Variants in KNDC1 observed in about 807,000 individuals in gnomAD.
KNDC1 encodes kinase non-catalytic C-lobe domain-containing protein 1.
A neutral mutation model predicts 172.8 loss-of-function variants in KNDC1; 106 were observed. The observed-to-expected ratio is 0.61, with a 90% confidence interval of 0.52 to 0.72. The LOEUF is 0.72. Ranked by LOEUF, KNDC1 falls within the 30% of genes least tolerant of loss-of-function variation. The pLI is 0.00. For missense variants in KNDC1, 2,325 were observed against 2,394.5 expected (o/e 0.97, Z 0.61); for synonymous variants, 1,083 against 1,062.2 (o/e 1.02, Z -0.38).
intron 3 of KNDC1, among the ~76,000 whole-genome samples, chr10:133,182,501 C>T (rs1316347306): frequency 2.6e-5 from 4 of 152,196 alleles, no homozygotes; most frequent in Admixed American, 2.6e-4. Flanking sequence ...CAGGCAGGTT[C>T]CTGAGCCGCT....
At position 133,200,364 on chromosome 10, in the gene KNDC1, C is replaced by G; in HGVS notation, c.2904-11C>G. 1 of 1,576,410 alleles carries G rather than the reference C, an allele frequency of 6.3e-7. No homozygotes were observed. On this transcript the variant is annotated splice_polypyrimidine_tract_variant and intron_variant, in intron 15 of 29. Coordinates refer to ENST00000304613, the MANE Select transcript of KNDC1 (RefSeq NM_152643.8). ...GCGGAGGTGGGGACTGACCTGCATT[C>G]TCGTCGTCAGCACGGCCGAGGAGGC...
rs202227345 is a variant in KNDC1 at position 133,185,981 on chromosome 10, C to T, written c.633C>T (p.Ser211=). 2.1e-5 allele frequency: 29 copies of T among 1,398,946 alleles called. No homozygotes were observed. Among genetic ancestry groups the T allele is most frequent in the East Asian group, 2.0e-4 (6 of 30,154 alleles). 86.7% of individuals were successfully genotyped at this position (1,398,946 alleles called of 1,614,324 possible). A position where few individuals can be genotyped will look rare whatever the true frequency, so the allele number is the denominator to read the frequency against. ...IESFGALQDV[S]ESSWRERPAP... is the part of the protein sequence containing the mutation. The stretch of plus-strand genomic sequence containing the variant: ...CATCTTGCTTGTGCCCAGATGTCAG[C>T]GAGAGCAGCTGGCGGGAGAGACCTG... Residue 211 remains serine, a synonymous_variant, in exon 6 of 30, where the codon AGC becomes AGT. Coordinates refer to ENST00000304613, the MANE Select transcript of KNDC1 (RefSeq NM_152643.8).
intron 3 of KNDC1, among the ~76,000 whole-genome samples, chr10:133,182,369 TGC>T (rs1425894513): frequency 6.6e-6 from 1 of 152,092 alleles, no homozygotes; most frequent in Non-Finnish European, 1.5e-5. Flanking sequence ...AGGATGCAGG[TGC>T]GTGTCCACTC....
At position 133,195,693 on chromosome 10, in the gene KNDC1, T is replaced by C; in HGVS notation, c.1606T>C (p.Trp536Arg). The change falls in exon 10 of 30, where the codon TGG (tryptophan) becomes CGG (arginine). Residue 536 changes from tryptophan to arginine, a missense_variant. Transcript: ENST00000304613. Reference protein sequence around the residue: ...ASVYCVAAVLWTAAKFSVPRN... With the variant: ...ASVYCVAAVLRTAAKFSVPRN... Reference sequence around the variant, plus strand: ...TGTGTACTGTGTGGCCGCCGTTCTGTGGACCGCAGCCAAGTTCAGCGTCCC... The same window carrying C: ...TGTGTACTGTGTGGCCGCCGTTCTGCGGACCGCAGCCAAGTTCAGCGTCCC... 6.2e-7 allele frequency: 1 copy of C among 1,612,502 alleles called. No homozygotes were observed. The highest frequency in any genetic ancestry group is 8.5e-7 in the Non-Finnish European group (1 of 1,179,620).
chr10:133,189,892 C>T, intron 9 of KNDC1, 79 bp downstream of exon 9: 1 of 1,217,436 alleles, frequency 8.2e-7, no homozygotes, highest in East Asian at 2.5e-5. Flanking sequence ...GTCCAGCAGC[C>T]CCCCATCAGG....
intron 12 of KNDC1, 104 bp from the exon 13 acceptor site, chr10:133,198,233 C>T (rs1360252342): frequency 1.5e-6 from 2 of 1,324,104 alleles, no homozygotes; most frequent in Non-Finnish European, 2.0e-6. Context: ...GGGGACGCGG[C>T]ACCACGCACT....
chr10:133,160,653 T>A, intron 1 of KNDC1, 84 bp downstream of exon 1: 1 of 886,164 alleles, frequency 1.1e-6, no homozygotes, highest in Non-Finnish European at 1.7e-6. Flanking sequence ...CGGGAGGGGC[T>A]GTGAGCTCCC....
rs546138710 is a variant in KNDC1, at chr10:133,209,914, G to T, written c.3795-697G>T. ...TCCCAGGACAGTCCCAGACCTGCAG[G>T]CGGGGCCCTGGTCAGTGTCTCCTGA... is the stretch of plus-strand genomic sequence containing the variant. On this transcript the variant is annotated intron_variant, in intron 20 of 29. Coordinates refer to ENST00000304613, the MANE Select transcript of KNDC1 (RefSeq NM_152643.8). The surrounding 1 kb of genome is among the most constrained non-coding windows in gnomAD (Gnocchi z 4.9). Among the ~76,000 whole-genome samples the T allele has an allele frequency of 3.3e-5, 5 of 152,234 alleles. No individual in the cohort carries two copies. The East Asian group carries it at 9.7e-4, about 29-fold the overall frequency.
intron 5 of KNDC1, among the ~76,000 whole-genome samples, chr10:133,184,353 G>A (rs374670697): frequency 2.4e-5 from 3 of 126,046 alleles, no homozygotes; most frequent in East Asian, 2.6e-4. Context: ...CTGCACACAC[G>A]CTGCAACACA....
At chr10:133,218,982 G>T in intron 27 of KNDC1, 29 bp downstream of exon 27, 1 of 1,613,712 alleles carries the variant, frequency 6.2e-7, no homozygotes, top group African/African-American at 1.3e-5. Context: ...CCAAGGCGGG[G>T]GTGGGTACCC....
intron 29 of KNDC1, among the ~76,000 whole-genome samples, chr10:133,223,767 C>T (rs1436010660): frequency 5.6e-5 from 2 of 35,770 alleles, no homozygotes; most frequent in Non-Finnish European, 1.0e-4. Context: ...ATGCTCTTCC[C>T]GGCGTGTGTG....
chr10:133,181,536 G>T (rs561562090), intron 3 of KNDC1, among the ~76,000 whole-genome samples: 43 of 152,358 alleles, frequency 2.8e-4, no homozygotes, highest in Non-Finnish European at 4.3e-4. Flanking sequence ...CCAGCGGCCG[G>T]GGGCCTGGCT....
At position 133,224,406 on chromosome 10, in the gene KNDC1, C is replaced by T. The variant is rs2998116; in HGVS notation, c.5019-253C>T. Among the ~76,000 whole-genome samples the T allele has an allele frequency of 1.3e-5, 2 of 151,850 alleles. No homozygotes were observed. Among genetic ancestry groups the T allele is most frequent in the African/African-American group, 4.8e-5 (2 of 41,324 alleles). ...CTCTTCTTGGGACGCTCAGCAGGGA[C>T]GAGCCTGAGCCTGCAGGGTTTCCAT... On this transcript the variant is annotated intron_variant, in intron 29 of 29. Transcript: ENST00000304613. This position sits in a 1 kb window ranked among gnomAD's most constrained non-coding sequence, Gnocchi z 5.4.
At chr10:133,223,320 C>T (rs1234890270) in intron 29 of KNDC1, among the ~76,000 whole-genome samples, 6 of 40,694 alleles carry the variant, frequency 1.5e-4, no homozygotes, top group Admixed American at 2.9e-4. Context: ...CTGTTCCCGG[C>T]GTGTGTGTGT....
At position 133,198,932 on chromosome 10, in the gene KNDC1, C is replaced by T. The variant is rs1030148460; in HGVS notation, c.2424C>T (p.Ser808=). 7 of 1,561,884 alleles carry T rather than the reference C, an allele frequency of 4.5e-6. No individual in the cohort carries two copies. Among genetic ancestry groups the T allele is most frequent in the Admixed American group, 1.8e-5 (1 of 54,688 alleles). The change falls in exon 14 of 30, where the codon TCC becomes TCT. Residue 808 remains serine, a synonymous_variant. Transcript: ENST00000304613. ...AGCCGATCCCACCTGGAGTTGCTTC[C>T]GGGGGCCTCAGGCCCGACGCCCTGG... ...PAEPIPPGVA[S]GGLRPDALGP...
intron 9 of KNDC1, among the ~76,000 whole-genome samples, chr10:133,191,243 TGCCTGTAATCCCAGCCAGGTGTGGTGGC>T (rs1243441366): frequency 8.0e-5 from 6 of 75,270 alleles, no homozygotes; most frequent in African/African-American, 2.0e-4. Flanking sequence ...TGGTGGCACA[TGCCTGTAATCCCAGCCAGGTGTGGTGGC>T]GCATGCCTGT....
intron 20 of KNDC1, 129 bp from the exon 21 acceptor site, chr10:133,210,482 G>C: frequency 3.3e-6 from 2 of 598,856 alleles, no homozygotes; most frequent in Admixed American, 4.6e-5. Context: ...ATTTCTCCGG[G>C]GATTCTCCTG....
chr10:133,183,182 G>A (rs1369617172), intron 3 of KNDC1, among the ~76,000 whole-genome samples, 162 bp from the exon 4 acceptor site: 2 of 151,236 alleles, frequency 1.3e-5, no homozygotes, highest in African/African-American at 4.9e-5. Context: ...CGGCGTGGGC[G>A]CGGGCGGCAA....
At chr10:133,211,273 A>C in intron 21 of KNDC1, 149 bp from the exon 22 acceptor site, 3 of 359,436 alleles carry the variant, frequency 8.3e-6, no homozygotes, top group Non-Finnish European at 8.8e-6. Context: ...CGGGGGAGGG[A>C]CCCACGGAAG....
Sources: gnomAD v4.1 joint callset for allele counts (sites outside exome capture counted in the v4.1 genomes callset) on GRCh38, gnomAD v4.1.1 for gene constraint, Gnocchi (gnomAD v3.1) non-coding constraint, MANE v1.5 for transcripts, NCBI Gene and HGNC (gene_info 2026-07-23, HGNC 2026-07-21) for gene names.